The following ADAMTSL1 variants were observed in gnomAD, a reference collection of about 807,000 sequenced individuals.
ADAMTSL1 encodes the protein ADAMTS like 1, also known as ADAMTS-like protein 1.
Under a neutral mutation model 201.8 loss-of-function variants are expected in ADAMTSL1, and 126 were observed. That is an observed-to-expected ratio of 0.62 (90% CI 0.54 to 0.72). The LOEUF (loss-of-function observed/expected upper bound fraction) is 0.72, where lower values mean the gene tolerates loss of function less well. Among genes scored for constraint, ADAMTSL1 ranks in the 30% least tolerant of loss-of-function variants. ADAMTSL1 has a pLI of 0.00. For missense variants in ADAMTSL1, 2,679 were observed against 2,277.8 expected (o/e 1.18, Z -3.59); for synonymous variants, 1,121 against 903.4 (o/e 1.24, Z -4.32).
At chr9:18,534,625 C>T (rs1310457535) in intron 3 of ADAMTSL1, among the ~76,000 whole-genome samples, 2 of 152,192 alleles carry the variant, frequency 1.3e-5, no homozygotes, top group Non-Finnish European at 2.9e-5. Flanking sequence ...CCGCATTGCC[C>T]AGAAGATATT....
chr9:18,886,583 G>A (rs1028092538), intron 23 of ADAMTSL1, among the ~76,000 whole-genome samples: 3 of 152,152 alleles, frequency 2.0e-5, no homozygotes, highest in East Asian at 1.9e-4. Flanking sequence ...CAGTGCAGCC[G>A]CAGATTTGAT....
At chr9:18,789,470 C>G (rs1821899465) in intron 19 of ADAMTSL1, among the ~76,000 whole-genome samples, 1 of 152,176 alleles carries the variant, frequency 6.6e-6, no homozygotes, top group Non-Finnish European at 1.5e-5. Context: ...CCACTGTCCG[C>G]TATGCTATAT....
At chr9:18,003,841 C>T (rs1479594830) in intron 1 of ADAMTSL1, among the ~76,000 whole-genome samples, 2 of 151,994 alleles carry the variant, frequency 1.3e-5, no homozygotes, top group African/African-American at 2.4e-5. Flanking sequence ...ACCAGATTCT[C>T]TGTATTTAGA....
chr9:18,412,997 GTCGTTTTT>G (rs2133322392), intron 2 of ADAMTSL1, among the ~76,000 whole-genome samples: 2 of 151,830 alleles, frequency 1.3e-5, no homozygotes, highest in East Asian at 3.9e-4. Flanking sequence ...ACATTGCCTT[GTCGTTTTT>G]TGTTACCAAG....
chr9:18,872,179 G>A (rs901602393), intron 23 of ADAMTSL1, among the ~76,000 whole-genome samples: 1 of 151,552 alleles, frequency 6.6e-6, no homozygotes, highest in African/African-American at 2.4e-5. Context: ...TTAACAGATA[G>A]AATATAATAG....
intron 2 of ADAMTSL1, among the ~76,000 whole-genome samples, chr9:18,513,644 T>G (rs1818176172): frequency 6.6e-6 from 1 of 152,240 alleles, no homozygotes; most frequent in Non-Finnish European, 1.5e-5. Context: ...TTTAAGTCTA[T>G]AGTCCATTTT....
intron 21 of ADAMTSL1, among the ~76,000 whole-genome samples, chr9:18,819,075 T>C (rs1824041712): frequency 6.6e-6 from 1 of 152,184 alleles, no homozygotes; most frequent in Non-Finnish European, 1.5e-5. Flanking sequence ...CTGATCACTA[T>C]GGACACATGC....
rs1830446728 is a variant in ADAMTSL1 at position 18,908,705 on chromosome 9, A to C, written c.*157A>C. 5.0e-6 allele frequency: 3 copies of C among 603,706 alleles called. No individual in the cohort carries two copies. In the East Asian group the frequency reaches 8.7e-5, roughly 18 times the overall value. 37.4% of individuals were successfully genotyped at this position (603,706 alleles called of 1,614,324 possible). On this transcript the variant is annotated 3_prime_UTR_variant, in exon 29 of 29. Transcript: ENST00000380548. ...TCCTCCACCTCCACCTTCAAGCATA[A>C]GGACGTCCGCGTGTTTTCTCTTTCA...
At chr9:18,095,020 C>G (rs1229698618) in intron 1 of ADAMTSL1, among the ~76,000 whole-genome samples, 3 of 152,168 alleles carry the variant, frequency 2.0e-5, no homozygotes, top group Non-Finnish European at 4.4e-5. Flanking sequence ...CTTCCTGTCC[C>G]TCTATGTAGG....
chr9:18,594,544 A>G (rs1206233390), intron 4 of ADAMTSL1, among the ~76,000 whole-genome samples: 1 of 152,150 alleles, frequency 6.6e-6, no homozygotes, highest in Non-Finnish European at 1.5e-5. Context: ...ATATTTTCAA[A>G]GAGTCTGTCT....
At chr9:17,989,663 A>G (rs1356334519) in intron 1 of ADAMTSL1, among the ~76,000 whole-genome samples, 1 of 151,970 alleles carries the variant, frequency 6.6e-6, no homozygotes, top group East Asian at 1.9e-4. Flanking sequence ...CTGGAACTTA[A>G]CCAACAAGAG....
chr9:18,241,853 A>G (rs1032626854), intron 2 of ADAMTSL1, among the ~76,000 whole-genome samples: 2 of 152,108 alleles, frequency 1.3e-5, no homozygotes, highest in African/African-American at 2.4e-5. Flanking sequence ...GATCAATAAC[A>G]TATAAAGAAA....
At chr9:18,175,578 C>G (rs1036252634) in intron 2 of ADAMTSL1, among the ~76,000 whole-genome samples, 2 of 152,176 alleles carry the variant, frequency 1.3e-5, no homozygotes, top group Admixed American at 1.3e-4. Context: ...CTTCAACTTT[C>G]TGAGACCACT....
intron 4 of ADAMTSL1, among the ~76,000 whole-genome samples, chr9:18,582,694 A>G (rs1823178800): frequency 6.6e-6 from 1 of 151,870 alleles, no homozygotes; most frequent in African/African-American, 2.4e-5. Context: ...TTAAAAATAC[A>G]AAATATTAGC....
rs77821616 is a variant in ADAMTSL1, at chr9:18,593,200, C to G, written c.474+18934C>G. Among the ~76,000 whole-genome samples the G allele has an allele frequency of 4.3e-3, 653 of 152,084 alleles. 6 individuals carry two copies. The highest frequency in any genetic ancestry group is 0.019 in the East Asian group (97 of 5,182). ...ACTTCTTTCTTTCCAATTTGGAAAC[C>G]CTTTATTTCTTGCAGCAGTTTGATT... On this transcript the variant is annotated intron_variant, in intron 4 of 28. Transcript: ENST00000380548.
intron 1 of ADAMTSL1, among the ~76,000 whole-genome samples, chr9:18,075,576 G>A (rs954002197): frequency 4.6e-5 from 7 of 152,180 alleles, no homozygotes; most frequent in Non-Finnish European, 8.8e-5. Flanking sequence ...AAATCATTTA[G>A]TTTTGGCATA....
intron 1 of ADAMTSL1, among the ~76,000 whole-genome samples, chr9:17,941,399 A>T (rs1448042107): frequency 6.6e-6 from 1 of 152,146 alleles, no homozygotes; most frequent in Non-Finnish European, 1.5e-5. Context: ...GGCTTTGAGC[A>T]TTGATCTGGT....
chr9:18,810,664 A>G (rs1408779380), intron 20 of ADAMTSL1, among the ~76,000 whole-genome samples: 1 of 152,202 alleles, frequency 6.6e-6, no homozygotes. Context: ...AACTTCCCCA[A>G]GGTGTTCAAT....
chr9:18,516,850 T>C (rs547663265), intron 2 of ADAMTSL1, among the ~76,000 whole-genome samples: 1 of 152,262 alleles, frequency 6.6e-6, no homozygotes, highest in Admixed American at 6.5e-5. Context: ...TGCTGTTAGA[T>C]AGGAAGAGGA....
Sources: gnomAD v4.1 joint callset for allele counts (sites outside exome capture counted in the v4.1 genomes callset) on GRCh38, gnomAD v4.1.1 for gene constraint, MANE v1.5 for transcripts, NCBI Gene and HGNC (gene_info 2026-07-23, HGNC 2026-07-21) for gene names.